GLS: variants seen among roughly 807,000 people sequenced by gnomAD.
GLS encodes glutaminase kidney isoform, mitochondrial.
GLS carries 36 observed loss-of-function variants against 86.7 expected under a neutral mutation model. The ratio of observed to expected loss-of-function variants is 0.42; its 90% CI spans 0.32 to 0.55. GLS has a LOEUF of 0.55. Among genes scored for constraint, GLS ranks in the 20% least tolerant of loss-of-function variants. The pLI is 0.17. For synonymous variants in GLS, 317 were observed against 305.9 expected, an observed-to-expected ratio of 1.04 and a Z score of -0.38; for missense variants, 528 against 833.4, an observed-to-expected ratio of 0.63 and a Z score of 4.51.
In GLS at chr2:190,962,606, T is replaced by G. The variant is rs997074138; in HGVS notation, c.1854-224T>G. 4.6e-5 allele frequency among the ~76,000 whole-genome samples: 7 copies of G among 152,238 alleles called. No individual in the cohort carries two copies. Among genetic ancestry groups the G allele is most frequent in the African/African-American group, 1.7e-4 (7 of 41,460 alleles). On this transcript the variant is annotated intron_variant, in intron 17 of 17. Coordinates refer to ENST00000320717, the MANE Select transcript of GLS (RefSeq NM_014905.5). This position sits in a 1 kb window ranked among gnomAD's most constrained non-coding sequence, Gnocchi z 4.2. ...ACTTGGATGTGTAAACAAGATCCTT[T>G]CACAGATCTTTTTCTCTTCCTCTCC...
intron 1 of GLS, among the ~76,000 whole-genome samples, chr2:190,890,619 G>C (rs1028260135): frequency 6.6e-6 from 1 of 152,072 alleles, no homozygotes; most frequent in East Asian, 1.9e-4. Flanking sequence ...CTATCTAACA[G>C]GTTTATTAAT....
At chr2:190,934,614 T>C in intron 14 of GLS, 2 of 984,482 alleles carry the variant, frequency 2.0e-6, no homozygotes, top group Non-Finnish European at 2.4e-6. Context: ...TGGTTTCCCC[T>C]ATGATCTAAA....
At position 190,953,948 on chromosome 2, in the gene GLS, A is replaced by ATGTGTG. The variant is rs1491250812; in HGVS notation, c.1712+323_1712+324insGTGTGT. ...GTCTACCCTCCATTCCCAATCTTTGATATGTGTGTGTGTGTGTGTGTGTGT... is the reference window on the plus strand; with the variant it reads ...GTCTACCCTCCATTCCCAATCTTTGATGTGTGTATGTGTGTGTGTGTGTGTGTGTGT... On this transcript the variant is annotated intron_variant, in intron 15 of 17. Coordinates refer to ENST00000320717, the MANE Select transcript of GLS (RefSeq NM_014905.5). The surrounding 1 kb of genome is among the most constrained non-coding windows in gnomAD (Gnocchi z 4.0). Among the ~76,000 whole-genome samples, 1 of 108,846 alleles carries ATGTGTG rather than the reference A, an allele frequency of 9.2e-6. No homozygotes were observed. The highest frequency in any genetic ancestry group is 3.6e-5 in the African/African-American group (1 of 27,594). 71.4% of individuals were successfully genotyped at this position (108,846 alleles called of 152,430 possible).
chr2:190,883,013 C>T (rs1410130314), intron 1 of GLS, among the ~76,000 whole-genome samples: 2 of 152,188 alleles, frequency 1.3e-5, no homozygotes, highest in Admixed American at 1.3e-4. Flanking sequence ...AAAAGTTCAT[C>T]TTAAAGGCTA....
chr2:190,960,359 A>ATTTTTTTTTT (rs770419477), intron 17 of GLS, among the ~76,000 whole-genome samples: 17 of 101,478 alleles, frequency 1.7e-4, no homozygotes, highest in South Asian at 6.8e-4. Flanking sequence ...TTAAGCTTCA[A>ATTTTTTTTTT]TTTTTTTTTT....
At chr2:190,957,325 C>T (rs1690884088) in intron 17 of GLS, among the ~76,000 whole-genome samples, 1 of 152,220 alleles carries the variant, frequency 6.6e-6, no homozygotes. Flanking sequence ...CTCCTGACCT[C>T]AGGTAATCTG....
At chr2:190,894,581 G>A (rs1559317589) in intron 1 of GLS, among the ~76,000 whole-genome samples, 1 of 152,110 alleles carries the variant, frequency 6.6e-6, no homozygotes, top group Non-Finnish European at 1.5e-5. Flanking sequence ...CTCAGATGAG[G>A]AAACTGGATC....
At chr2:190,907,162 G>T (rs1306448097) in intron 6 of GLS, among the ~76,000 whole-genome samples, 1 of 151,822 alleles carries the variant, frequency 6.6e-6, no homozygotes, top group Non-Finnish European at 1.5e-5. Context: ...CTGACCTCGT[G>T]ATCTGCCCGC....
In GLS at chr2:190,933,631, G is replaced by C. The variant is rs1690178700; in HGVS notation, c.1650+1994G>C. 1.4e-5 allele frequency: 13 copies of C among 950,244 alleles called. No individual in the cohort carries two copies. In the South Asian group the frequency reaches 5.3e-4, roughly 39 times the overall value. 58.9% of individuals were successfully genotyped at this position (950,244 alleles called of 1,614,324 possible). On this transcript the variant is annotated intron_variant, in intron 14 of 17. Transcript: ENST00000320717. ...AGCTATAATGGTTAGTTACTCAGAA[G>C]GAGAAACAGTGAGTGTCTTCAAGTG... is the stretch of plus-strand genomic sequence containing the variant.
At chr2:190,922,009 G>A (rs1574596211) in intron 9 of GLS, among the ~76,000 whole-genome samples, 1 of 152,088 alleles carries the variant, frequency 6.6e-6, no homozygotes, top group South Asian at 2.1e-4. Flanking sequence ...TTATTAAATG[G>A]CTTTTATTTT....
At position 190,921,471 on chromosome 2, in the gene GLS, T is replaced by C. The variant is rs1689734460; in HGVS notation, c.1130+268T>C. On this transcript the variant is annotated intron_variant, in intron 9 of 17. Transcript: ENST00000320717. This position sits in a 1 kb window ranked among gnomAD's most constrained non-coding sequence, Gnocchi z 4.2. ...CCTCTCTTCTATTTCTGTTCCAGGC[T>C]ATCTGGATTTTTACCCCAATTTTTT... Among the ~76,000 whole-genome samples, 1 of 151,998 alleles carries C rather than the reference T, an allele frequency of 6.6e-6. No individual in the cohort carries two copies. Among genetic ancestry groups the C allele is most frequent in the Non-Finnish European group, 1.5e-5 (1 of 67,862 alleles).
chr2:190,964,387 CA>C lies in GLS; in HGVS notation c.*1403del, dbSNP rs928599361. On this transcript the variant is annotated 3_prime_UTR_variant, in exon 18 of 18. Transcript: ENST00000320717. This position sits in a 1 kb window ranked among gnomAD's most constrained non-coding sequence, Gnocchi z 5.2. ...GAAGCTGTGTTTAGTGAAATGAGCT[CA>C]AGTACATGAATGTTAGTTGTTATCA... 2.1e-4 allele frequency: 31 copies of C among 148,892 alleles called. No individual in the cohort carries two copies. The highest frequency in any genetic ancestry group is 7.3e-4 in the African/African-American group (30 of 40,910). The allele number at this position is 148,892 out of a possible 1,614,324, so 9.2% of individuals were successfully genotyped here.
Position 190,954,824 on chromosome 2 carries a change from C to A in GLS, c.1853+6C>A, listed in dbSNP as rs751976287. ...AACCCTTTCCCCAAGGACAGGTGAGCACTTATGTTACCTTCTAAATATGTC... is the reference window on the plus strand; with the variant it reads ...AACCCTTTCCCCAAGGACAGGTGAGAACTTATGTTACCTTCTAAATATGTC... On this transcript the variant is annotated splice_donor_region_variant and intron_variant, in intron 17 of 17. Coordinates refer to ENST00000320717, the MANE Select transcript of GLS (RefSeq NM_014905.5). The surrounding 1 kb of genome is among the most constrained non-coding windows in gnomAD (Gnocchi z 4.0). 26 of 1,586,870 alleles carry A rather than the reference C, an allele frequency of 1.6e-5. No homozygotes were observed. The Middle Eastern group carries it at 1.0e-3, about 61-fold the overall frequency.
chr2:190,880,921 C>CAGCAGCAGCAGCAGCAG lies in GLS; in HGVS notation c.-164_-163insAGCAGCAGCAGCAGCAG, dbSNP rs1559309651. The CAGCAGCAGCAGCAGCAG allele has an allele frequency of 1.5e-5, 11 of 751,650 alleles. No individual in the cohort carries two copies. The East Asian group carries it at 2.1e-4, about 15-fold the overall frequency. 46.6% of individuals were successfully genotyped at this position (751,650 alleles called of 1,614,324 possible). ...AGCAGCAGCAGCAGCAGCAGCAGCA[C>CAGCAGCAGCAGCAGCAG]CCGCATCCGCTGCGGGAGTCCGAGC... On this transcript the variant is annotated 5_prime_UTR_variant, in exon 1 of 18. Coordinates refer to ENST00000320717, the MANE Select transcript of GLS (RefSeq NM_014905.5).
rs746878786 is a variant in GLS, at chr2:190,905,408, T to C, written c.979+241T>C. The C allele has an allele frequency of 2.2e-4, 82 of 368,814 alleles. No individual in the cohort carries two copies. Among genetic ancestry groups the C allele is most frequent in the Non-Finnish European group, 3.4e-4 (69 of 203,854 alleles). 22.8% of individuals were successfully genotyped at this position (368,814 alleles called of 1,614,324 possible). A position where few individuals can be genotyped will look rare whatever the true frequency, so the allele number is the denominator to read the frequency against. ...CTTCATAACCACCTTTAGGGAAATA[T>C]AGCGAAATCTCAAAATACATGAGAT... On this transcript the variant is annotated intron_variant, in intron 6 of 17. Transcript: ENST00000320717. This position sits in a 1 kb window ranked among gnomAD's most constrained non-coding sequence, Gnocchi z 4.6.
rs903144685 is a variant in GLS, at chr2:190,880,915, G to C, written c.-170G>C. The C allele has an allele frequency of 2.0e-4, 181 of 916,902 alleles. No individual in the cohort carries two copies. Among genetic ancestry groups the C allele is most frequent in the Non-Finnish European group, 2.7e-4 (166 of 607,602 alleles). 56.8% of individuals were successfully genotyped at this position (916,902 alleles called of 1,614,324 possible). On this transcript the variant is annotated 5_prime_UTR_variant, in exon 1 of 18. Transcript: ENST00000320717. ...AGCAGCAGCAGCAGCAGCAGCAGCA[G>C]CAGCACCCGCATCCGCTGCGGGAGT...
At chr2:190,959,510 T>C (rs1332177889) in intron 17 of GLS, among the ~76,000 whole-genome samples, 1 of 152,242 alleles carries the variant, frequency 6.6e-6, no homozygotes, top group Non-Finnish European at 1.5e-5. Flanking sequence ...AGTTTCTTCA[T>C]AGTGTCAATG....
At chr2:190,916,137 AAAT>A (rs1689523644) in intron 7 of GLS, among the ~76,000 whole-genome samples, 3 of 152,224 alleles carry the variant, frequency 2.0e-5, no homozygotes, top group African/African-American at 7.2e-5. Context: ...TATGAACTAA[AAAT>A]CAATTACTGT....
At chr2:190,885,266 A>G (rs1324496814) in intron 1 of GLS, among the ~76,000 whole-genome samples, 2 of 150,768 alleles carry the variant, frequency 1.3e-5, no homozygotes, top group Non-Finnish European at 3.0e-5. Context: ...ATCTCGGTTC[A>G]CTGCAACCTC....
Sources: gnomAD v4.1 joint callset for allele counts (sites outside exome capture counted in the v4.1 genomes callset) on GRCh38, gnomAD v4.1.1 for gene constraint, Gnocchi (gnomAD v3.1) non-coding constraint, MANE v1.5 for transcripts, NCBI Gene and HGNC (gene_info 2026-07-23, HGNC 2026-07-21) for gene names.